ALMS1: variants seen among roughly 807,000 people sequenced by gnomAD.
ALMS1 encodes centrosome-associated protein ALMS1.
In ALMS1, 271 loss-of-function variants were observed where a neutral mutation model predicts 352.2. The ratio of observed to expected loss-of-function variants is 0.77; its 90% CI spans 0.70 to 0.85. The LOEUF (loss-of-function observed/expected upper bound fraction) is 0.85, where lower values mean the gene tolerates loss of function less well. ALMS1 is among the 40% of genes least tolerant of loss of function. The pLI is 0.00. For synonymous variants in ALMS1, 1,865 were observed against 1,761.2 expected (o/e 1.06, Z -1.48); for missense variants, 5,445 against 4,870.7 (o/e 1.12, Z -3.51).
At chr2:73,506,821 A>G (rs1673337547) in intron 10 of ALMS1, among the ~76,000 whole-genome samples, 1 of 152,178 alleles carries the variant, frequency 6.6e-6, no homozygotes, top group South Asian at 2.1e-4. Flanking sequence ...ACTGTGTTGA[A>G]TAGCAGTGGT....
At chr2:73,526,977 C>T (rs866934522) in intron 11 of ALMS1, among the ~76,000 whole-genome samples, 32 of 152,058 alleles carry the variant, frequency 2.1e-4, no homozygotes, top group Non-Finnish European at 8.8e-5. Context: ...GTTTTTATCA[C>T]GAAGAGATGT....
intron 9 of ALMS1, among the ~76,000 whole-genome samples, chr2:73,484,154 G>T (rs1217350025): frequency 6.6e-6 from 1 of 151,722 alleles, no homozygotes; most frequent in East Asian, 1.9e-4. Context: ...AGTTGATGCA[G>T]TTTCTTCCTA....
In ALMS1 at chr2:73,490,162, G is replaced by A. The variant is rs761136859; in HGVS notation, c.8203G>A (p.Gly2735Ser). 25 of 1,613,980 alleles carry A rather than the reference G, an allele frequency of 1.5e-5. No homozygotes were observed. Among genetic ancestry groups the A allele is most frequent in the Non-Finnish European group, 2.0e-5 (24 of 1,180,030 alleles). Residue 2735 changes from glycine (G) to serine (S), a missense_variant, in exon 10 of 23, where the codon GGT (glycine) becomes AGT (serine). By Grantham distance (56) the Gly-to-Ser change is moderately conservative. Coordinates refer to ENST00000613296, the MANE Select transcript of ALMS1 (RefSeq NM_001378454.1). ...CISNSSVVKV[G>S]VTEGSQCTGA... ...TTCCAATTCCTCTGTTGTTAAGGTT[G>A]GTGTTACTGAAGGTAGCCAGTGTAC...
intron 7 of ALMS1, among the ~76,000 whole-genome samples, chr2:73,441,322 C>G (rs373125465): frequency 1.1e-4 from 16 of 152,316 alleles, no homozygotes; most frequent in African/African-American, 3.6e-4. Flanking sequence ...CCTACCTGAG[C>G]TGTCTTTTAC....
chr2:73,404,432 TG>T, intron 1 of ALMS1, among the ~76,000 whole-genome samples: 1 of 152,238 alleles, frequency 6.6e-6, no homozygotes, highest in African/African-American at 2.4e-5. Context: ...GCTTTTATTA[TG>T]TTGAGGTAGT....
In ALMS1 at chr2:73,602,227, G is replaced by C; in HGVS notation, c.12157G>C (p.Gly4053Arg). 1 of 1,614,082 alleles carries C rather than the reference G, an allele frequency of 6.2e-7. No individual in the cohort carries two copies. ...CAGACCTGACTTCATCTCCCGCTCT[G>C]GGGAGCGGATAAAGCGCCTGAAGTT... Reference protein sequence around the residue: ...FHRPDFISRSGERIKRLKLIV... With the variant: ...FHRPDFISRSRERIKRLKLIV... The change falls in exon 20 of 23, where the codon GGG becomes CGG. Residue 4053 changes from glycine to arginine, a missense_variant. Coordinates refer to ENST00000613296, the MANE Select transcript of ALMS1 (RefSeq NM_001378454.1).
chr2:73,605,354 C>A (rs894006697), intron 21 of ALMS1, among the ~76,000 whole-genome samples: 1 of 152,154 alleles, frequency 6.6e-6, no homozygotes. Flanking sequence ...TATCTAAATA[C>A]ATTTGTCAAC....
chr2:73,449,917 A>C lies in ALMS1; in HGVS notation c.3390A>C (p.Ala1130=). ...AAATTTCAGTAGCTCCTGGACTAGC[A>C]GACCAGAAGACTGGCACACCAACTG... ...ALKISVAPGL[A]DQKTGTPTVT... Residue 1130 remains alanine (A), a synonymous_variant, in exon 8 of 23, where the codon GCA becomes GCC. Coordinates refer to ENST00000613296, the MANE Select transcript of ALMS1 (RefSeq NM_001378454.1). 1 of 1,613,178 alleles carries C rather than the reference A, an allele frequency of 6.2e-7. No individual in the cohort carries two copies. The highest frequency in any genetic ancestry group is 8.5e-7 in the Non-Finnish European group (1 of 1,179,714).
At chr2:73,585,943 T>C (rs1476093034) in intron 16 of ALMS1, among the ~76,000 whole-genome samples, 4 of 152,026 alleles carry the variant, frequency 2.6e-5, no homozygotes, top group Non-Finnish European at 5.9e-5. Flanking sequence ...ATTTTGTATT[T>C]TAGTAGTGGT....
rs556059319 is a variant in ALMS1, at chr2:73,464,408, G to A, written c.7674+9113G>A. On this transcript the variant is annotated intron_variant, in intron 9 of 22. Transcript: ENST00000613296. ...CAAAATTCAACAACCCTTCATGCTAGAAACTCTCAATAAATGAGGTATTGA... is the reference window on the plus strand; with the variant it reads ...CAAAATTCAACAACCCTTCATGCTAAAAACTCTCAATAAATGAGGTATTGA... Among the ~76,000 whole-genome samples, 8 of 152,268 alleles carry A rather than the reference G, an allele frequency of 5.3e-5. No individual in the cohort carries two copies. In the South Asian group the frequency reaches 1.2e-3, roughly 24 times the overall value.
intron 12 of ALMS1, 111 bp downstream of exon 12, chr2:73,535,060 A>T (rs1673998951): frequency 1.4e-6 from 2 of 1,393,966 alleles, no homozygotes; most frequent in Non-Finnish European, 2.0e-6. Flanking sequence ...TCAGTGAAAT[A>T]TGGAACTTTT....
At chr2:73,407,849 T>C (rs1337958099) in intron 1 of ALMS1, among the ~76,000 whole-genome samples, 3 of 152,300 alleles carry the variant, frequency 2.0e-5, no homozygotes, top group Non-Finnish European at 4.4e-5. Context: ...TGAGCCACTG[T>C]GCACCTTGTA....
chr2:73,502,534 A>G (rs992801193), intron 10 of ALMS1, among the ~76,000 whole-genome samples: 1 of 152,094 alleles, frequency 6.6e-6, no homozygotes, highest in African/African-American at 2.4e-5. Context: ...ATTAAGTTTA[A>G]TATTACCTGT....
At chr2:73,539,302 A>T (rs912674708) in intron 12 of ALMS1, among the ~76,000 whole-genome samples, 7 of 152,214 alleles carry the variant, frequency 4.6e-5, no homozygotes, top group African/African-American at 1.4e-4. Context: ...AGCAAACTCC[A>T]ACAGACCTGC....
chr2:73,429,447 AATTTTTTGTCTTTTT>A (rs1671458278), intron 6 of ALMS1, among the ~76,000 whole-genome samples: 1 of 151,630 alleles, frequency 6.6e-6, no homozygotes, highest in African/African-American at 2.4e-5. Context: ...ATGCCTGGCT[AATTTTTTGTCTTTTT>A]AGTAGAGACG....
Position 73,548,992 on chromosome 2 carries a change from G to A in ALMS1, c.9908-1275G>A, listed in dbSNP as rs535100643. Among the ~76,000 whole-genome samples the A allele has an allele frequency of 9.2e-5, 14 of 152,312 alleles. No homozygotes were observed. In the East Asian group the frequency reaches 2.7e-3, roughly 29 times the overall value. ...AACCCAATATAATCTATTTGGCCCA[G>A]AAGGCTTGGTGTTTTCCTTGCAGTC... is the stretch of plus-strand genomic sequence containing the variant. On this transcript the variant is annotated intron_variant, in intron 12 of 22. Transcript: ENST00000613296.
chr2:73,543,577 G>A (rs932566499), intron 12 of ALMS1, among the ~76,000 whole-genome samples: 1 of 152,120 alleles, frequency 6.6e-6, no homozygotes, highest in Non-Finnish European at 1.5e-5. Context: ...GAATGAACAG[G>A]CAACCTACAG....
At chr2:73,403,923 A>G (rs1670920663) in intron 1 of ALMS1, among the ~76,000 whole-genome samples, 1 of 152,124 alleles carries the variant, frequency 6.6e-6, no homozygotes, top group Non-Finnish European at 1.5e-5. Context: ...TTTTTGAGAC[A>G]GAGTCTCACT....
At chr2:73,588,971 C>T (rs928854553) in intron 16 of ALMS1, among the ~76,000 whole-genome samples, 9 of 151,890 alleles carry the variant, frequency 5.9e-5, no homozygotes, top group Admixed American at 1.3e-4. Flanking sequence ...AGATATAAAA[C>T]TATGTATACA....
Sources: gnomAD v4.1 joint callset for allele counts (sites outside exome capture counted in the v4.1 genomes callset) on GRCh38, gnomAD v4.1.1 for gene constraint, MANE v1.5 for transcripts, NCBI Gene and HGNC (gene_info 2026-07-23, HGNC 2026-07-21) for gene names.